GRIN2B: variants seen among roughly 807,000 people sequenced by gnomAD.
GRIN2B encodes the protein glutamate receptor ionotropic, NMDA 2B.
Under a neutral mutation model 114.5 loss-of-function variants are expected in GRIN2B, and 5 were observed. That is an observed-to-expected ratio of 0.04 (90% CI 0.02 to 0.09). The LOEUF (loss-of-function observed/expected upper bound fraction) is 0.09, where lower values mean the gene tolerates loss of function less well. Ranked by LOEUF, GRIN2B falls within the 10% of genes least tolerant of loss-of-function variation. The probability of loss-of-function intolerance (pLI) is 1.00; values close to 1 mark genes in which losing one functional copy is unlikely to be tolerated. For missense variants in GRIN2B, 1,108 were observed against 1,943.5 expected, an observed-to-expected ratio of 0.57 and a Z score of 8.08; for synonymous variants, 787 against 745.1, an observed-to-expected ratio of 1.06 and a Z score of -0.92.
At position 13,781,281 on chromosome 12, in the gene GRIN2B, G is replaced by T. The variant is rs547630472; in HGVS notation, c.412-27366C>A. Among the ~76,000 whole-genome samples the T allele has an allele frequency of 2.0e-5, 3 of 152,324 alleles. No individual in the cohort carries two copies. The South Asian group carries it at 6.2e-4, about 32-fold the overall frequency. On this transcript the variant is annotated intron_variant, in intron 3 of 13. Coordinates refer to ENST00000609686, the MANE Select transcript of GRIN2B (RefSeq NM_000834.5). ...AAAGTTGAGATCAACATAATCAAAT[G>T]ATATTCGTCTGGGTTAAATGTGAAA...
chr12:13,768,894 C>T (rs1419643857), intron 3 of GRIN2B, among the ~76,000 whole-genome samples: 3 of 152,166 alleles, frequency 2.0e-5, no homozygotes, highest in South Asian at 2.1e-4. Flanking sequence ...ATTAGCCTGG[C>T]TTGGTGGCAG....
At chr12:13,740,857 C>T (rs180885932) in intron 4 of GRIN2B, among the ~76,000 whole-genome samples, 1 of 152,130 alleles carries the variant, frequency 6.6e-6, no homozygotes, top group Non-Finnish European at 1.5e-5. Context: ...TCAGCAAGAT[C>T]AGAGCAAGAC....
intron 4 of GRIN2B, among the ~76,000 whole-genome samples, chr12:13,698,692 T>C (rs1950283279): frequency 6.6e-6 from 1 of 152,202 alleles, no homozygotes; most frequent in South Asian, 2.1e-4. Flanking sequence ...AAATTATTTT[T>C]ATTTTTTTGA....
intron 4 of GRIN2B, among the ~76,000 whole-genome samples, chr12:13,729,577 A>G (rs1863047335): frequency 6.6e-6 from 1 of 152,136 alleles, no homozygotes; most frequent in South Asian, 2.1e-4. Flanking sequence ...GAATCACCAG[A>G]GGAAAGAGAA....
intron 3 of GRIN2B, among the ~76,000 whole-genome samples, chr12:13,816,584 T>C (rs1257311713): frequency 6.6e-6 from 1 of 152,102 alleles, no homozygotes; most frequent in African/African-American, 2.4e-5. Context: ...AGACCTGGTT[T>C]CCATAGCACT....
intron 10 of GRIN2B, among the ~76,000 whole-genome samples, chr12:13,576,059 G>A (rs974431561): frequency 1.3e-5 from 2 of 152,174 alleles, no homozygotes; most frequent in African/African-American, 4.8e-5. Context: ...CCAACAGGGA[G>A]AGAACATTGC....
chr12:13,648,277 A>T (rs1949781645), intron 5 of GRIN2B, among the ~76,000 whole-genome samples: 1 of 152,068 alleles, frequency 6.6e-6, no homozygotes. Flanking sequence ...CCCAGGGCTG[A>T]GTGCTGTGAG....
chr12:13,753,817 A>C lies in GRIN2B; in HGVS notation c.510T>G (p.Ser170=). 1 of 1,613,636 alleles carries C rather than the reference A, an allele frequency of 6.2e-7. No homozygotes were observed. Residue 170 remains serine (S), a synonymous_variant, in exon 4 of 14, where the codon TCT becomes TCG. Coordinates refer to ENST00000609686, the MANE Select transcript of GRIN2B (RefSeq NM_000834.5). This position sits in a 1 kb window ranked among gnomAD's most constrained non-coding sequence, Gnocchi z 6.2. The part of the protein sequence containing the change: ...IMEEYDWYIF[S]IVTTYFPGYQ... ...AGCCAGGGAAATAGGTGGTGACGAT[A>C]GAAAAGATGTACCAGTCATATTCTT...
chr12:13,901,837 T>C (rs1253992012), intron 2 of GRIN2B, among the ~76,000 whole-genome samples: 2 of 152,152 alleles, frequency 1.3e-5, no homozygotes, highest in African/African-American at 2.4e-5. Flanking sequence ...GATATTCCTA[T>C]AGTCTCTGTA....
chr12:13,710,586 C>G (rs1020443547), intron 4 of GRIN2B, among the ~76,000 whole-genome samples: 7 of 151,870 alleles, frequency 4.6e-5, no homozygotes, highest in South Asian at 2.1e-4. Flanking sequence ...ACACCAATAA[C>G]AGACAAACAG....
chr12:13,597,008 C>G (rs1281311248), intron 10 of GRIN2B, among the ~76,000 whole-genome samples: 1 of 152,216 alleles, frequency 6.6e-6, no homozygotes, highest in Admixed American at 6.5e-5. Context: ...TAGGCAGTAT[C>G]ACAGGGGCAG....
chr12:13,955,798 C>T (rs1429316030), intron 2 of GRIN2B, among the ~76,000 whole-genome samples: 3 of 152,090 alleles, frequency 2.0e-5, no homozygotes, highest in Non-Finnish European at 4.4e-5. Flanking sequence ...CACAAAGAGC[C>T]ATCCCATTTA....
In GRIN2B at chr12:13,970,537, G is replaced by A. The variant is rs116964658; in HGVS notation, c.-19+9391C>T. ...ATTTTCTGAGCACTGACCATGTGCAGAGAGCACTCTGCTAACCACTGAGGA... is the reference window on the plus strand; with the variant it reads ...ATTTTCTGAGCACTGACCATGTGCAAAGAGCACTCTGCTAACCACTGAGGA... On this transcript the variant is annotated intron_variant, in intron 2 of 13. Transcript: ENST00000609686. Among the ~76,000 whole-genome samples, 34 of 152,266 alleles carry A rather than the reference G, an allele frequency of 2.2e-4. No individual in the cohort carries two copies. The East Asian group carries it at 6.4e-3, about 29-fold the overall frequency.
chr12:13,563,016 G>T lies in GRIN2B; in HGVS notation c.4222C>A (p.Gln1408Lys). Reference sequence around the variant, plus strand: ...TTCGACGCCCCCGCCACCGTGGGCTGCCTGAAGAAGTAGGATTTGCTGCCA... The same window carrying T: ...TTCGACGCCCCCGCCACCGTGGGCTTCCTGAAGAAGTAGGATTTGCTGCCA... ...LHGSKSYFFR[Q>K]PTVAGASKAR... The change falls in exon 14 of 14, where the codon CAG (glutamine) becomes AAG (lysine). Residue 1408 changes from glutamine to lysine, a missense_variant. Coordinates refer to ENST00000609686, the MANE Select transcript of GRIN2B (RefSeq NM_000834.5). 1.2e-6 allele frequency: 2 copies of T among 1,613,932 alleles called. No homozygotes were observed. The highest frequency in any genetic ancestry group is 1.7e-6 in the Non-Finnish European group (2 of 1,179,814).
At chr12:13,722,386 A>T (rs1862898507) in intron 4 of GRIN2B, among the ~76,000 whole-genome samples, 1 of 152,120 alleles carries the variant, frequency 6.6e-6, no homozygotes, top group Non-Finnish European at 1.5e-5. Flanking sequence ...TAAGAGTTCA[A>T]AAAAGCGAAA....
At chr12:13,602,418 G>C (rs1949173019) in intron 10 of GRIN2B, among the ~76,000 whole-genome samples, 1 of 152,180 alleles carries the variant, frequency 6.6e-6, no homozygotes, top group East Asian at 1.9e-4. Context: ...AGATGTTCTG[G>C]GCCAGGAAAA....
intron 5 of GRIN2B, among the ~76,000 whole-genome samples, chr12:13,657,345 G>A (rs1006772696): frequency 6.6e-6 from 1 of 152,140 alleles, no homozygotes; most frequent in African/African-American, 2.4e-5. Flanking sequence ...CCTTCATGAA[G>A]AAGGGCCCAG....
intron 2 of GRIN2B, among the ~76,000 whole-genome samples, chr12:13,958,941 C>T (rs192487031): frequency 9.2e-5 from 14 of 151,480 alleles, no homozygotes; most frequent in African/African-American, 2.2e-4. Context: ...TGATTTGGAC[C>T]GCGGGAATTA....
chr12:13,648,103 A>G (rs1031798861), intron 5 of GRIN2B, among the ~76,000 whole-genome samples: 8 of 152,136 alleles, frequency 5.3e-5, no homozygotes, highest in African/African-American at 1.9e-4. Context: ...TCACTAGAAC[A>G]GTAATAAACT....
Sources: gnomAD v4.1 joint callset for allele counts (sites outside exome capture counted in the v4.1 genomes callset) on GRCh38, gnomAD v4.1.1 for gene constraint, Gnocchi (gnomAD v3.1) non-coding constraint, MANE v1.5 for transcripts, NCBI Gene and HGNC (gene_info 2026-07-23, HGNC 2026-07-21) for gene names.